The following LGSN variants were observed in gnomAD, a reference collection of about 807,000 sequenced individuals.
LGSN encodes lengsin.
In LGSN, 21 loss-of-function variants were observed where a neutral mutation model predicts 19.5. The observed-to-expected ratio is 1.07, with a 90% CI of 0.76 to 1.55. The LOEUF (loss-of-function observed/expected upper bound fraction) is 1.55, where lower values mean the gene tolerates loss of function less well. Ranked by LOEUF, LGSN falls within the 40% of genes most tolerant of loss-of-function variation. The pLI is 0.00. For synonymous variants in LGSN, 257 were observed against 215.6 expected (o/e 1.19, Z -1.68); for missense variants, 673 against 608.5 (o/e 1.11, Z -1.12).
the LGSN span, chr6:63,572,630 C>T: frequency 2.4e-6 from 1 of 421,154 alleles, no homozygotes; most frequent in Non-Finnish European, 4.1e-6. Flanking sequence ...CCGCCTCCTG[C>T]CCTGCAGCCA....
chr6:63,466,462 T>C, the LGSN span, among the ~76,000 whole-genome samples: 2 of 152,190 alleles, frequency 1.3e-5, no homozygotes, highest in South Asian at 4.1e-4. Context: ...ACTTACATTT[T>C]AATGGATGCT....
intron 2 of LGSN, among the ~76,000 whole-genome samples, 166 bp downstream of exon 2, chr6:63,294,747 G>T (rs774863211): frequency 2.7e-5 from 4 of 150,462 alleles, no homozygotes; most frequent in African/African-American, 4.9e-5. Context: ...ATATATTTAC[G>T]TTGTAAGCTT....
the LGSN span, among the ~76,000 whole-genome samples, chr6:63,531,318 G>A: frequency 4.1e-4 from 63 of 152,200 alleles, no homozygotes; most frequent in African/African-American, 1.4e-3. Flanking sequence ...GATTTGTGAG[G>A]CCTGTAACAT....
the LGSN span, among the ~76,000 whole-genome samples, chr6:63,524,852 C>T: frequency 4.6e-5 from 7 of 152,012 alleles, no homozygotes; most frequent in East Asian, 1.9e-4. Context: ...TATGTGAATG[C>T]GAGATGTGGC....
At chr6:63,434,329 A>G in the LGSN span, among the ~76,000 whole-genome samples, 1 of 150,064 alleles carries the variant, frequency 6.7e-6, no homozygotes, top group Non-Finnish European at 1.5e-5. Context: ...GATCCCAGCT[A>G]CTCTGGAGGC....
chr6:63,529,217 G>GTGTAT, the LGSN span, among the ~76,000 whole-genome samples: 3 of 146,572 alleles, frequency 2.0e-5, no homozygotes, highest in African/African-American at 7.5e-5. Flanking sequence ...ATATATATTT[G>GTGTAT]CTAATAACTT....
At chr6:63,362,757 T>G in the LGSN span, among the ~76,000 whole-genome samples, 1 of 152,182 alleles carries the variant, frequency 6.6e-6, no homozygotes, top group Non-Finnish European at 1.5e-5. Flanking sequence ...CTCTGTAGAC[T>G]CCACCTCTGG....
chr6:63,361,543 G>A, the LGSN span, among the ~76,000 whole-genome samples: 1 of 152,098 alleles, frequency 6.6e-6, no homozygotes, highest in African/African-American at 2.4e-5. Flanking sequence ...GATTTTCCAG[G>A]TGCCGTCTGT....
the LGSN span, among the ~76,000 whole-genome samples, chr6:63,386,758 G>T: frequency 6.6e-6 from 1 of 152,106 alleles, no homozygotes; most frequent in Non-Finnish European, 1.5e-5. Context: ...TATGGTTTCT[G>T]TAAGGGGATA....
At chr6:63,422,552 G>A in the LGSN span, among the ~76,000 whole-genome samples, 1 of 152,108 alleles carries the variant, frequency 6.6e-6, no homozygotes, top group African/African-American at 2.4e-5. Context: ...TAAAAAAAGA[G>A]ATACCCATTT....
At chr6:63,542,311 A>G in the LGSN span, among the ~76,000 whole-genome samples, 1 of 151,952 alleles carries the variant, frequency 6.6e-6, no homozygotes, top group Non-Finnish European at 1.5e-5. Context: ...AAAGACTACA[A>G]ATTGAGTGCA....
In LGSN at chr6:63,319,898, A is replaced by G. The variant is rs368697554; in HGVS notation, c.30+16T>C. The G allele has an allele frequency of 2.3e-5, 36 of 1,591,712 alleles. No homozygotes were observed. The highest frequency in any genetic ancestry group is 5.0e-5 in the Admixed American group (3 of 59,646). The stretch of plus-strand genomic sequence containing the variant: ...CAATATTTTGGTTAAAAACATTTTA[A>G]TGATTAGCTTCATACCTCCTGCAGA... On this transcript the variant is annotated intron_variant, in intron 1 of 3. Coordinates refer to ENST00000370657, the MANE Select transcript of LGSN (RefSeq NM_016571.3).
the LGSN span, among the ~76,000 whole-genome samples, chr6:63,431,790 G>A: frequency 2.6e-5 from 4 of 152,046 alleles, no homozygotes; most frequent in African/African-American, 9.7e-5. Context: ...GCATTGGCCG[G>A]GTGCAGTGGC....
the LGSN span, among the ~76,000 whole-genome samples, chr6:63,414,197 G>C: frequency 6.6e-6 from 1 of 152,072 alleles, no homozygotes; most frequent in Middle Eastern, 3.4e-3. Context: ...GGGCTGCTGG[G>C]TATAAACTAT....
At chr6:63,436,158 CT>C in the LGSN span, among the ~76,000 whole-genome samples, 1 of 152,176 alleles carries the variant, frequency 6.6e-6, no homozygotes. Flanking sequence ...TCTTCATTCT[CT>C]TTTTTCCTTA....
the LGSN span, among the ~76,000 whole-genome samples, chr6:63,337,135 G>T: frequency 6.6e-6 from 1 of 150,512 alleles, no homozygotes; most frequent in African/African-American, 2.4e-5. Context: ...ATGTTGGCCA[G>T]GCTGGTCTCA....
chr6:63,522,410 G>A, the LGSN span, among the ~76,000 whole-genome samples: 1 of 152,164 alleles, frequency 6.6e-6, no homozygotes, highest in Non-Finnish European at 1.5e-5. Context: ...GTCCCTGCAG[G>A]AGATAATTTC....
intron 3 of LGSN, among the ~76,000 whole-genome samples, chr6:63,282,330 A>T (rs971392699): frequency 2.0e-5 from 3 of 152,198 alleles, no homozygotes; most frequent in Non-Finnish European, 4.4e-5. Flanking sequence ...TGCAAGCCAG[A>T]CACTTTCCTT....
chr6:63,418,903 C>CTA, the LGSN span, among the ~76,000 whole-genome samples: 4 of 149,884 alleles, frequency 2.7e-5, no homozygotes, highest in Admixed American at 6.6e-5. Flanking sequence ...GCAAAGAAAA[C>CTA]TAGACTTCCC....
Sources: allele counts gnomAD v4.1 joint callset (sites outside exome capture counted in the v4.1 genomes callset), GRCh38; gene constraint gnomAD v4.1.1; transcripts MANE v1.5; gene names NCBI Gene and HGNC (gene_info 2026-07-23, HGNC 2026-07-21).